Variants in IL18BP observed in about 807,000 individuals in gnomAD.
The protein encoded by IL18BP is interleukin 18 binding protein.
A neutral mutation model predicts 19.9 loss-of-function variants in IL18BP; 23 were observed. The observed-to-expected ratio is 1.15, with a 90% CI of 0.83 to 1.64. The LOEUF (loss-of-function observed/expected upper bound fraction) is 1.64, where lower values mean the gene tolerates loss of function less well. Among genes scored for constraint, IL18BP ranks in the 40% most tolerant of loss-of-function variants. IL18BP has a pLI of 0.00. For synonymous variants in IL18BP, 107 were observed against 101.0 expected (o/e 1.06, Z -0.35); for missense variants, 239 against 240.7 (o/e 0.99, Z 0.05).
chr11:72,000,043 G>T, intron 2 of IL18BP, 31 bp downstream of exon 2: 1 of 1,613,070 alleles, frequency 6.2e-7, no homozygotes, highest in Non-Finnish European at 8.5e-7. Context: ...TGGGCAGGCG[G>T]GGTAGGGTGA....
chr11:72,000,987 AG>A (rs1955187268), intron 3 of IL18BP, among the ~76,000 whole-genome samples: 1 of 152,244 alleles, frequency 6.6e-6, no homozygotes, highest in Non-Finnish European at 1.5e-5. Context: ...ACGTGAACCA[AG>A]GACCATTCCT....
chr11:71,999,822 A>G, intron 1 of IL18BP, 105 bp from the exon 2 acceptor site: 1 of 643,646 alleles, frequency 1.6e-6, no homozygotes, highest in African/African-American at 1.8e-5. Context: ...GTGCTGAAAG[A>G]GCTCCAGGCT....
At chr11:72,006,086 G>C (rs751406922), downstream of IL18BP, 1 of 1,614,056 alleles carries the variant, frequency 6.2e-7, no homozygotes, top group South Asian at 1.1e-5. Flanking sequence ...GCAGAACTGC[G>C]AGTGGTGGGG....
chr11:72,007,820 TGTC>T (rs755070545), downstream of IL18BP: 1 of 356,948 alleles, frequency 2.8e-6, no homozygotes, highest in Non-Finnish European at 5.3e-6. Flanking sequence ...CATAATCCAA[TGTC>T]GTCCTGCTTG....
chr11:72,006,621 T>A (rs1479764432), downstream of IL18BP, among the ~76,000 whole-genome samples: 2 of 152,218 alleles, frequency 1.3e-5, no homozygotes, highest in African/African-American at 4.8e-5. Flanking sequence ...CTAGGCCCCA[T>A]GTCTCCTGAC....
At chr11:72,007,252 C>G (rs61744213), downstream of IL18BP, 1 of 1,612,702 alleles carries the variant, frequency 6.2e-7, no homozygotes, top group Non-Finnish European at 8.5e-7. Context: ...TCTTACGACC[C>G]GAGTCCAGGA....
chr11:72,000,840 A>G (rs1347469595), intron 3 of IL18BP, among the ~76,000 whole-genome samples: 1 of 152,218 alleles, frequency 6.6e-6, no homozygotes, highest in East Asian at 1.9e-4. Context: ...CCCTCCACCC[A>G]GAGCCTGCTG....
At chr11:72,001,707 G>A (rs1955256242) in intron 5 of IL18BP, 77 bp from the exon 6 acceptor site, 2 of 1,612,844 alleles carry the variant, frequency 1.2e-6, no homozygotes, top group African/African-American at 1.3e-5. Flanking sequence ...TTGGGCAGAG[G>A]AGGTGTAGCC....
chr11:72,006,135 A>T (rs760707601), downstream of IL18BP: 3 of 1,614,138 alleles, frequency 1.9e-6, no homozygotes. Context: ...AGTTGCCATA[A>T]TCGGGAGAAC....
chr11:72,005,356 G>T (rs763253923), downstream of IL18BP: 2 of 1,607,792 alleles, frequency 1.2e-6, no homozygotes, highest in Admixed American at 3.4e-5. Context: ...TGCCCATGTA[G>T]AAGCTGTTCC....
chr11:72,005,516 G>A, downstream of IL18BP: 2 of 695,272 alleles, frequency 2.9e-6, no homozygotes, highest in Admixed American at 5.9e-5. Flanking sequence ...AGGTGCAGGA[G>A]TACGGCACAC....
At chr11:72,006,040 G>A (rs1444912123), downstream of IL18BP, 1 of 1,610,726 alleles carries the variant, frequency 6.2e-7, no homozygotes, top group Non-Finnish European at 8.5e-7. Flanking sequence ...CTCACCTGGA[G>A]GGGCCCCACT....
rs1955303490 is a variant in IL18BP, at chr11:72,002,364, T to C, written c.*503T>C. The C allele has an allele frequency of 6.0e-6, 1 of 166,334 alleles. No individual in the cohort carries two copies. Among genetic ancestry groups the C allele is most frequent in the South Asian group, 1.6e-4 (1 of 6,144 alleles). The allele number at this position is 166,334 out of a possible 1,614,324, so 10.3% of individuals were successfully genotyped here. ...CAGTGAAGTCATCCTCTTTCAGCTC[T>C]GGCCGCATTCTGCAGACTTCCTATC... is the stretch of plus-strand genomic sequence containing the variant. On this transcript the variant is annotated 3_prime_UTR_variant, in exon 6 of 6. Coordinates refer to ENST00000393703, the MANE Select transcript of IL18BP (RefSeq NM_001039660.2).
At chr11:72,000,278 C>A in intron 2 of IL18BP, 73 bp from the exon 3 acceptor site, 2 of 1,343,650 alleles carry the variant, frequency 1.5e-6, no homozygotes, top group Admixed American at 1.7e-5. Context: ...CATCTCTGGG[C>A]TGGAGTTACA....
downstream of IL18BP, chr11:72,004,584 G>T: frequency 6.4e-7 from 1 of 1,550,540 alleles, no homozygotes. Context: ...TCCTTGGTGA[G>T]CTGGGCCTGA....
At chr11:72,003,907 TGGCACCAATGGC>T (rs1279206123), downstream of IL18BP, 2 of 1,613,190 alleles carry the variant, frequency 1.2e-6, no homozygotes, top group African/African-American at 2.7e-5. Context: ...GCTCGAGGGG[TGGCACCAATGGC>T]GGCAGCAGTG....
At chr11:72,003,691 C>A, downstream of IL18BP, 1 of 1,065,674 alleles carries the variant, frequency 9.4e-7, no homozygotes, top group South Asian at 1.4e-5. Context: ...GCCTGAGCAG[C>A]TCTGGGTGCT....
At chr11:72,004,816 G>C (rs551017131), downstream of IL18BP, 1 of 1,565,996 alleles carries the variant, frequency 6.4e-7, no homozygotes, top group South Asian at 1.2e-5. Context: ...CTCAGGGAAG[G>C]CTGCATGGGT....
intron 1 of IL18BP, 45 bp from the exon 2 acceptor site, chr11:71,999,882 A>G (rs1165253225): frequency 8.3e-7 from 1 of 1,208,260 alleles, no homozygotes; most frequent in Non-Finnish European, 1.2e-6. Flanking sequence ...GCTACTGAGA[A>G]AAAGCGGGAG....
Sources: allele counts gnomAD v4.1 joint callset (sites outside exome capture counted in the v4.1 genomes callset), GRCh38; gene constraint gnomAD v4.1.1; transcripts MANE v1.5; gene names NCBI Gene and HGNC (gene_info 2026-07-23, HGNC 2026-07-21).